Variants in NAALADL2 observed in about 807,000 individuals in gnomAD.
NAALADL2 encodes inactive N-acetylated-alpha-linked acidic dipeptidase-like protein 2.
A neutral mutation model predicts 87.2 loss-of-function variants in NAALADL2; 76 were observed. The ratio of observed to expected loss-of-function variants is 0.87; its 90% CI spans 0.72 to 1.05. The LOEUF (loss-of-function observed/expected upper bound fraction) is 1.05, where lower values mean the gene tolerates loss of function less well. Among genes scored for constraint, NAALADL2 ranks in the 50% least tolerant of loss-of-function variants. The pLI, the probability that NAALADL2 is intolerant of heterozygous loss-of-function variation, is 0.00. For synonymous variants in NAALADL2, 354 were observed against 331.0 expected (o/e 1.07, Z -0.75); for missense variants, 1,089 against 945.8 (o/e 1.15, Z -1.99).
chr3:175,040,182 C>G (rs1392194232), intron 1 of NAALADL2, among the ~76,000 whole-genome samples: 1 of 152,178 alleles, frequency 6.6e-6, no homozygotes, highest in East Asian at 1.9e-4. Flanking sequence ...TCTTTTCAAA[C>G]TGCTTTTCTT....
chr3:175,222,474 A>G (rs1560186104), intron 2 of NAALADL2, among the ~76,000 whole-genome samples: 1 of 152,136 alleles, frequency 6.6e-6, no homozygotes, highest in Non-Finnish European at 1.5e-5. Flanking sequence ...AATGTTTCCT[A>G]CTCAGCTATT....
At chr3:175,566,823 T>C (rs770248242) in intron 9 of NAALADL2, among the ~76,000 whole-genome samples, 8 of 152,306 alleles carry the variant, frequency 5.3e-5, no homozygotes, top group Non-Finnish European at 8.8e-5. Context: ...GTTAAATAAT[T>C]TGTAAATATT....
At chr3:175,132,757 C>T (rs1205455248) in intron 2 of NAALADL2, among the ~76,000 whole-genome samples, 32 of 150,700 alleles carry the variant, frequency 2.1e-4, no homozygotes, top group African/African-American at 7.8e-4. Flanking sequence ...CCCTCACCTC[C>T]CGGACAGGGC....
At chr3:175,638,661 T>C (rs1450956536) in intron 11 of NAALADL2, among the ~76,000 whole-genome samples, 1 of 152,222 alleles carries the variant, frequency 6.6e-6, no homozygotes, top group African/African-American at 2.4e-5. Context: ...ATGAGCTTTT[T>C]ATGTAGCTAC....
chr3:175,160,609 C>T (rs1235267747), intron 2 of NAALADL2, among the ~76,000 whole-genome samples: 1 of 151,684 alleles, frequency 6.6e-6, no homozygotes, highest in Non-Finnish European at 1.5e-5. Flanking sequence ...GCCTCGGCCT[C>T]CCAAAGTGCT....
intron 5 of NAALADL2, among the ~76,000 whole-genome samples, chr3:175,388,500 A>T (rs1768686705): frequency 6.6e-6 from 1 of 152,144 alleles, no homozygotes; most frequent in East Asian, 1.9e-4. Context: ...GCTTACAAAT[A>T]TTTCAGAGGA....
At position 174,925,702 on chromosome 3, in the gene NAALADL2, A is replaced by G. The variant is rs188640315; in HGVS notation, c.43+66252A>G. Among the ~76,000 whole-genome samples the G allele has an allele frequency of 4.0e-3, 611 of 152,308 alleles. 3 individuals are homozygous for G. Among genetic ancestry groups the G allele is most frequent in the Middle Eastern group, 0.01 (3 of 294 alleles). On this transcript the variant is annotated intron_variant, in intron 1 of 13. Transcript: ENST00000454872. The stretch of plus-strand genomic sequence containing the variant: ...TTCATGATACTGATTCTTCCTATCC[A>G]TGAACATGGAATGTTCTTCCATTTG...
intron 11 of NAALADL2, among the ~76,000 whole-genome samples, chr3:175,708,367 G>C (rs1402122194): frequency 6.6e-6 from 1 of 152,058 alleles, no homozygotes; most frequent in Non-Finnish European, 1.5e-5. Context: ...TTCAAAAGTA[G>C]ATGCTACTAT....
chr3:174,636,899 G>C (rs1197009839), intron 2 of NAALADL2, among the ~76,000 whole-genome samples: 2 of 152,100 alleles, frequency 1.3e-5, no homozygotes, highest in Non-Finnish European at 2.9e-5. Flanking sequence ...ATGCACAACA[G>C]CAAGGATATG....
Position 175,623,077 on chromosome 3 carries a change from C to A in NAALADL2, c.1801-4214C>A, listed in dbSNP as rs149946974. Among the ~76,000 whole-genome samples the A allele has an allele frequency of 1.8e-3, 281 of 152,028 alleles. 1 individual carries two copies. Among genetic ancestry groups the A allele is most frequent in the African/African-American group, 5.0e-3 (207 of 41,512 alleles). On this transcript the variant is annotated intron_variant, in intron 10 of 13. Transcript: ENST00000454872. ...ATTAAAACTGACCTAAAAAGAAGGG[C>A]AAGAAGGATCTCTTTAGGATAATAG...
chr3:175,738,721 T>C (rs2150087352), intron 12 of NAALADL2, among the ~76,000 whole-genome samples: 1 of 152,304 alleles, frequency 6.6e-6, no homozygotes. Flanking sequence ...CATATTGCTC[T>C]CCTTTTTATA....
At chr3:175,573,099 A>C (rs1015005055) in intron 9 of NAALADL2, among the ~76,000 whole-genome samples, 1 of 152,220 alleles carries the variant, frequency 6.6e-6, no homozygotes, top group South Asian at 2.1e-4. Flanking sequence ...ATAATTTTTA[A>C]TAGGCACATA....
At chr3:174,913,207 C>T (rs1733932316) in intron 1 of NAALADL2, among the ~76,000 whole-genome samples, 1 of 152,244 alleles carries the variant, frequency 6.6e-6, no homozygotes, top group South Asian at 2.1e-4. Flanking sequence ...GTCTTACCAA[C>T]TAGTAAGACA....
Position 174,509,568 on chromosome 3 carries a change from A to ATT in NAALADL2, c.-183-40971_-183-40970dup, listed in dbSNP as rs145219498. Reference sequence around the variant, plus strand: ...AGGCTCCCGCCACCACACCCAGCTAATTTTTTTTTTTTTTTTTTTTTTTTT... The same window carrying ATT: ...AGGCTCCCGCCACCACACCCAGCTAATTTTTTTTTTTTTTTTTTTTTTTTTTT... On this transcript the variant is annotated intron_variant, in intron 1 of 3. Coordinates refer to the NAALADL2 transcript ENST00000434257. Among the ~76,000 whole-genome samples, 233 of 80,090 alleles carry ATT rather than the reference A, an allele frequency of 2.9e-3. 8 individuals are homozygous for ATT. The highest frequency in any genetic ancestry group is 4.4e-3 in the African/African-American group (94 of 21,238). The allele number at this position is 80,090 out of a possible 152,430, so 52.5% of individuals were successfully genotyped here. A position where few individuals can be genotyped will look rare whatever the true frequency, so the allele number is the denominator to read the frequency against.
In NAALADL2 at chr3:175,610,314, T is replaced by G. The variant is rs11923252; in HGVS notation, c.1801-16977T>G. Among the ~76,000 whole-genome samples, 917 of 152,268 alleles carry G rather than the reference T, an allele frequency of 6.0e-3. 6 individuals carry two copies. Among genetic ancestry groups the G allele is most frequent in the African/African-American group, 0.021 (860 of 41,564 alleles). On this transcript the variant is annotated intron_variant, in intron 10 of 13. Transcript: ENST00000454872. ...CATTTCTGTGTGTTTATATATTCTG[T>G]TCTCTCTTCTTTTTTGTTTATTTAA...
chr3:174,987,185 T>C (rs898379690), intron 1 of NAALADL2, among the ~76,000 whole-genome samples: 1 of 152,096 alleles, frequency 6.6e-6, no homozygotes, highest in South Asian at 2.1e-4. Context: ...TATGATAAAA[T>C]AACCAAAAAT....
intron 10 of NAALADL2, among the ~76,000 whole-genome samples, chr3:175,587,949 A>G (rs1211650552): frequency 3.3e-5 from 5 of 152,156 alleles, no homozygotes; most frequent in Non-Finnish European, 5.9e-5. Flanking sequence ...GGACAACTCA[A>G]TCACTGGAAG....
At chr3:175,127,014 T>C (rs9843557) in intron 2 of NAALADL2, among the ~76,000 whole-genome samples, 10,764 of 152,008 alleles carry the variant, frequency 0.071, 792 homozygotes, top group African/African-American at 0.19. Flanking sequence ...AACAGGATAC[T>C]TAGGTGAATC....
intron 9 of NAALADL2, among the ~76,000 whole-genome samples, chr3:175,474,685 C>T (rs139058245): frequency 6.6e-6 from 1 of 152,088 alleles, no homozygotes; most frequent in African/African-American, 2.4e-5. Context: ...CATCACACAA[C>T]TGCTGCTGGC....
Sources: gnomAD v4.1 joint callset for allele counts (sites outside exome capture counted in the v4.1 genomes callset) on GRCh38, gnomAD v4.1.1 for gene constraint, MANE v1.5 for transcripts, NCBI Gene and HGNC (gene_info 2026-07-23, HGNC 2026-07-21) for gene names.